The following CDH18 variants were observed in gnomAD, a reference collection of about 807,000 sequenced individuals.
The protein encoded by CDH18 is cadherin-18.
Under a neutral mutation model 67.9 loss-of-function variants are expected in CDH18, and 31 were observed. The ratio of observed to expected loss-of-function variants is 0.46; its 90% confidence interval spans 0.34 to 0.62. The LOEUF is 0.62. CDH18 is among the 20% of genes least tolerant of loss of function. CDH18 has a pLI of 0.01. For synonymous variants in CDH18, 362 were observed against 347.2 expected (o/e 1.04, Z -0.48); for missense variants, 890 against 975.5 (o/e 0.91, Z 1.17).
intron 2 of CDH18, among the ~76,000 whole-genome samples, chr5:20,175,329 C>A (rs140620392): frequency 1.3e-5 from 2 of 152,056 alleles, no homozygotes; most frequent in Middle Eastern, 3.2e-3. Flanking sequence ...CCCAGTGAAC[C>A]CAGCCACCTC....
At chr5:19,650,434 C>T (rs1755402872) in intron 5 of CDH18, among the ~76,000 whole-genome samples, 1 of 151,966 alleles carries the variant, frequency 6.6e-6, no homozygotes, top group African/African-American at 2.4e-5. Flanking sequence ...GCTTTCTGTA[C>T]AAATTGATAG....
intron 2 of CDH18, among the ~76,000 whole-genome samples, chr5:19,856,763 G>C (rs189229450): frequency 6.6e-6 from 1 of 151,756 alleles, no homozygotes; most frequent in Non-Finnish European, 1.5e-5. Context: ...AAACTTCTTC[G>C]GGACCTTGAT....
intron 3 of CDH18, among the ~76,000 whole-genome samples, chr5:19,806,581 T>A (rs1467170832): frequency 6.6e-6 from 1 of 152,196 alleles, no homozygotes; most frequent in Non-Finnish European, 1.5e-5. Context: ...CAATATTCCT[T>A]CTTCGGTTTC....
At chr5:20,359,053 TCC>T (rs201213600) in intron 1 of CDH18, among the ~76,000 whole-genome samples, 3,078 of 151,018 alleles carry the variant, frequency 0.02, 75 homozygotes, top group African/African-American at 0.052. Flanking sequence ...TGCCTCAGCC[TCC>T]CAAGTAGCTG....
intron 2 of CDH18, among the ~76,000 whole-genome samples, chr5:20,024,548 C>G (rs949844720): frequency 6.6e-6 from 1 of 152,002 alleles, no homozygotes; most frequent in African/African-American, 2.4e-5. Flanking sequence ...GAAATGAAGA[C>G]CAGAATTTAC....
chr5:19,767,075 A>G (rs1370760470), intron 3 of CDH18, among the ~76,000 whole-genome samples: 1 of 151,830 alleles, frequency 6.6e-6, no homozygotes, highest in African/African-American at 2.4e-5. Context: ...AGGCATATCA[A>G]ATAAGTAAAC....
intron 2 of CDH18, among the ~76,000 whole-genome samples, chr5:19,844,865 A>G (rs1417062271): frequency 6.6e-6 from 1 of 152,184 alleles, no homozygotes; most frequent in Non-Finnish European, 1.5e-5. Flanking sequence ...ACTTCTCCCT[A>G]AACCTGATTT....
At chr5:20,256,966 C>CTATCTATCTGTCTAATCTATCTA (rs1561917330) in intron 1 of CDH18, among the ~76,000 whole-genome samples, 1 of 106,438 alleles carries the variant, frequency 9.4e-6, no homozygotes, top group African/African-American at 2.8e-5. Context: ...TCTATCTAAT[C>CTATCTATCTGTCTAATCTATCTA]TATCTATATC....
At chr5:19,707,318 C>T (rs1003529399) in intron 5 of CDH18, among the ~76,000 whole-genome samples, 1 of 152,184 alleles carries the variant, frequency 6.6e-6, no homozygotes, top group Non-Finnish European at 1.5e-5. Flanking sequence ...GCAGGACAAC[C>T]AGTCACAATG....
chr5:20,163,160 T>C (rs936716682), intron 2 of CDH18, among the ~76,000 whole-genome samples: 1 of 152,120 alleles, frequency 6.6e-6, no homozygotes, highest in African/African-American at 2.4e-5. Flanking sequence ...ATCTATTTCT[T>C]GAGGTATTTT....
At chr5:19,648,584 CTTTT>C (rs150280626) in intron 5 of CDH18, among the ~76,000 whole-genome samples, 8,769 of 151,742 alleles carry the variant, frequency 0.058, 272 homozygotes, top group Non-Finnish European at 0.074. Flanking sequence ...AATTCTATCT[CTTTT>C]TTTTGTCTTT....
intron 5 of CDH18, among the ~76,000 whole-genome samples, chr5:19,714,031 T>A (rs956973176): frequency 6.6e-6 from 1 of 152,150 alleles, no homozygotes; most frequent in Non-Finnish European, 1.5e-5. Context: ...AGGGCATGCA[T>A]CTGAATATAA....
chr5:19,531,659 C>T (rs1317378959), intron 9 of CDH18, among the ~76,000 whole-genome samples: 1 of 151,736 alleles, frequency 6.6e-6, no homozygotes, highest in African/African-American at 2.4e-5. Context: ...GGGCTGGGCA[C>T]GGTAGCTCAC....
chr5:19,556,802 T>C (rs1365993256), intron 8 of CDH18, among the ~76,000 whole-genome samples: 2 of 152,248 alleles, frequency 1.3e-5, no homozygotes, highest in East Asian at 1.9e-4. Flanking sequence ...CACAAAAAGA[T>C]AATCTCCTAG....
intron 3 of CDH18, among the ~76,000 whole-genome samples, chr5:19,754,636 T>G (rs1771287935): frequency 6.6e-6 from 1 of 152,110 alleles, no homozygotes; most frequent in Non-Finnish European, 1.5e-5. Context: ...GAAACTGGAT[T>G]TAAACTATAC....
At chr5:19,545,994 A>G (rs1480730384) in intron 8 of CDH18, among the ~76,000 whole-genome samples, 1 of 152,198 alleles carries the variant, frequency 6.6e-6, no homozygotes, top group African/African-American at 2.4e-5. Context: ...ATCTGTTCGG[A>G]GATGGTGACA....
intron 2 of CDH18, among the ~76,000 whole-genome samples, chr5:20,106,591 A>C (rs957799183): frequency 6.6e-6 from 1 of 152,240 alleles, no homozygotes; most frequent in African/African-American, 2.4e-5. Context: ...TAAATTGCAC[A>C]TTCCAAGTTT....
chr5:20,376,091 A>ATTTTTTTTTTTTTTTTGTTTTT (rs1743400125), intron 1 of CDH18, among the ~76,000 whole-genome samples: 1 of 49,748 alleles, frequency 2.0e-5, no homozygotes, highest in Admixed American at 4.4e-4. Context: ...AAAAGAAACA[A>ATTTTTTTTTTTTTTTTGTTTTT]TTTTTTTTTT....
intron 1 of CDH18, among the ~76,000 whole-genome samples, chr5:20,448,181 A>G (rs946158756): frequency 2.0e-5 from 3 of 151,898 alleles, no homozygotes; most frequent in African/African-American, 7.3e-5. Context: ...TAGTTTGCTG[A>G]GAATGATGGT....
Sources: gnomAD v4.1 joint callset for allele counts (sites outside exome capture counted in the v4.1 genomes callset) on GRCh38, gnomAD v4.1.1 for gene constraint, MANE v1.5 for transcripts, NCBI Gene and HGNC (gene_info 2026-07-23, HGNC 2026-07-21) for gene names.